PLA2G4C: variants seen among roughly 807,000 people sequenced by gnomAD.
PLA2G4C encodes the protein cytosolic phospholipase A2 gamma.
A neutral mutation model predicts 73.8 loss-of-function variants in PLA2G4C; 64 were observed. The ratio of observed to expected loss-of-function variants is 0.87; its 90% CI spans 0.71 to 1.07. The LOEUF (loss-of-function observed/expected upper bound fraction) is 1.07, where lower values mean the gene tolerates loss of function less well. Ranked by LOEUF, PLA2G4C falls within the 50% of genes least tolerant of loss-of-function variation. The pLI is 0.00. For missense variants in PLA2G4C, 622 were observed against 665.4 expected (o/e 0.93, Z 0.72); for synonymous variants, 254 against 252.1 (o/e 1.01, Z -0.07).
chr19:48,048,436 T>C (rs1967602453), intron 16 of PLA2G4C, 48 bp from the exon 17 acceptor site: 1 of 1,336,892 alleles, frequency 7.5e-7, no homozygotes, highest in African/African-American at 1.5e-5. Context: ...TTGTAGGCAG[T>C]GTTGCACACT....
At chr19:48,048,511 C>G (rs1350834818) in intron 16 of PLA2G4C, 123 bp from the exon 17 acceptor site, 1 of 579,484 alleles carries the variant, frequency 1.7e-6, no homozygotes, top group Non-Finnish European at 2.9e-6. Context: ...AGACATTCAT[C>G]CATTCTTTCA....
intron 10 of PLA2G4C, among the ~76,000 whole-genome samples, chr19:48,079,584 T>C (rs1281085165): frequency 1.3e-5 from 2 of 152,182 alleles, no homozygotes; most frequent in East Asian, 3.8e-4. Flanking sequence ...ATAAAAATTC[T>C]AGAAGATAAC....
chr19:48,092,205 A>G (rs1303510878), intron 7 of PLA2G4C, among the ~76,000 whole-genome samples: 1 of 152,066 alleles, frequency 6.6e-6, no homozygotes, highest in Non-Finnish European at 1.5e-5. Context: ...ATGCACCACC[A>G]TGCCCGGCTA....
chr19:48,099,639 C>A, intron 5 of PLA2G4C, 32 bp downstream of exon 5: 1 of 1,566,838 alleles, frequency 6.4e-7, no homozygotes, highest in Non-Finnish European at 8.7e-7. Flanking sequence ...GCTCCTACCC[C>A]CACCCCAGGT....
chr19:48,078,060 G>A (rs568451682), intron 10 of PLA2G4C, among the ~76,000 whole-genome samples: 13 of 152,238 alleles, frequency 8.5e-5, no homozygotes, highest in Middle Eastern at 3.4e-3. Context: ...TACTAGGAAT[G>A]CAGGGATGGC....
chr19:48,053,206 C>T, intron 15 of PLA2G4C, 59 bp from the exon 16 acceptor site: 2 of 1,377,200 alleles, frequency 1.5e-6, no homozygotes, highest in Non-Finnish European at 2.0e-6. Flanking sequence ...ATTAATTCTG[C>T]AGATTTTTGT....
rs11564612 is a variant in PLA2G4C at position 48,073,964 on chromosome 19, TTTTAA to T, written c.1006+798_1006+802del. Among the ~76,000 whole-genome samples the T allele has an allele frequency of 2.4e-3, 369 of 152,016 alleles. 1 individual carries two copies. Among genetic ancestry groups the T allele is most frequent in the South Asian group, 5.2e-3 (25 of 4,818 alleles). On this transcript the variant is annotated intron_variant, in intron 12 of 16. Coordinates refer to ENST00000599921, the MANE Select transcript of PLA2G4C (RefSeq NM_003706.3). ...ACACTGGGGATTACATTTCTTTTTCTTTTAATTTAATTTAATTTAATTTAATTTTA... is the reference window on the plus strand; with the variant it reads ...ACACTGGGGATTACATTTCTTTTTCTTTTAATTTAATTTAATTTAATTTTA...
At chr19:48,056,574 T>C (rs2122447137) in intron 14 of PLA2G4C, among the ~76,000 whole-genome samples, 1 of 150,428 alleles carries the variant, frequency 6.6e-6, no homozygotes, top group Middle Eastern at 3.5e-3. Flanking sequence ...GGCTCATGCC[T>C]ATAATCCCAG....
rs1491313107 is a variant in PLA2G4C at position 48,101,126 on chromosome 19, A to ATATTTTTT, written c.258-1267_258-1266insAAAAAATA. ...AGTCTATATATATATATATATATAT[A>ATATTTTTT]TTTTTTTTTTTTTTTTTGAGACAGG... On this transcript the variant is annotated intron_variant, in intron 4 of 16. Coordinates refer to ENST00000599921, the MANE Select transcript of PLA2G4C (RefSeq NM_003706.3). 1.9e-3 allele frequency among the ~76,000 whole-genome samples: 140 copies of ATATTTTTT among 74,112 alleles called. 2 individuals are homozygous for ATATTTTTT. The highest frequency in any genetic ancestry group is 8.2e-3 in the African/African-American group (127 of 15,574). 48.6% of individuals were successfully genotyped at this position (74,112 alleles called of 152,430 possible).
At chr19:48,099,262 C>T (rs912294271) in intron 5 of PLA2G4C, among the ~76,000 whole-genome samples, 4 of 151,996 alleles carry the variant, frequency 2.6e-5, no homozygotes, top group Non-Finnish European at 5.9e-5. Context: ...GAGCAAGACC[C>T]TGTCTCAAAA....
At chr19:48,090,172 A>T in intron 8 of PLA2G4C, 192 bp downstream of exon 8, 1 of 571,876 alleles carries the variant, frequency 1.7e-6, no homozygotes, top group South Asian at 2.3e-5. Context: ...CATTCCTTCC[A>T]AGGGAGTCTG....
intron 13 of PLA2G4C, among the ~76,000 whole-genome samples, chr19:48,064,344 G>A (rs142797316): frequency 0.028 from 4,170 of 150,970 alleles, 196 homozygotes; most frequent in African/African-American, 0.096. Context: ...CAGGAGAATC[G>A]CTTGAACCCG....
chr19:48,068,172 GC>G (rs1367803643), intron 12 of PLA2G4C, among the ~76,000 whole-genome samples: 1 of 152,230 alleles, frequency 6.6e-6, no homozygotes, highest in African/African-American at 2.4e-5. Context: ...CGTGGTGGTG[GC>G]GCATGCCTGT....
At chr19:48,068,053 C>T (rs1445697345) in intron 12 of PLA2G4C, 167 bp from the exon 13 acceptor site, 28 of 612,952 alleles carry the variant, frequency 4.6e-5, no homozygotes, top group Non-Finnish European at 4.1e-5. Flanking sequence ...CCAGTCATCC[C>T]AGCACTTTGG....
intron 10 of PLA2G4C, among the ~76,000 whole-genome samples, chr19:48,083,392 C>CTTTTTTTT: frequency 1.9e-5 from 2 of 105,824 alleles, no homozygotes; most frequent in Non-Finnish European, 3.8e-5. Flanking sequence ...ATTTTCTTTT[C>CTTTTTTTT]TTTTTTTTTT....
At chr19:48,101,768 G>A (rs183056404) in intron 4 of PLA2G4C, among the ~76,000 whole-genome samples, 170 of 148,654 alleles carry the variant, frequency 1.1e-3, no homozygotes, top group African/African-American at 3.9e-3. Context: ...TCTGCCTCCC[G>A]GATTCAAGTG....
At chr19:48,078,642 A>C (rs543891041) in intron 10 of PLA2G4C, among the ~76,000 whole-genome samples, 3 of 152,292 alleles carry the variant, frequency 2.0e-5, no homozygotes, top group Admixed American at 1.3e-4. Context: ...AAAATAAAAT[A>C]CTCAGGAATA....
intron 4 of PLA2G4C, chr19:48,100,084 G>T (rs930778502): frequency 2.2e-6 from 1 of 459,410 alleles, no homozygotes; most frequent in African/African-American, 2.0e-5. Flanking sequence ...TCACAGGCAG[G>T]AAAATGAGAG....
chr19:48,105,105 G>C (rs10415296), intron 3 of PLA2G4C, among the ~76,000 whole-genome samples: 21,383 of 116,982 alleles, frequency 0.18, 3,614 homozygotes, highest in African/African-American at 0.45. Context: ...AAAAAAAAAA[G>C]AAAGAAAAGA....
Sources: allele counts gnomAD v4.1 joint callset (sites outside exome capture counted in the v4.1 genomes callset), GRCh38; gene constraint gnomAD v4.1.1; transcripts MANE v1.5; gene names NCBI Gene and HGNC (gene_info 2026-07-23, HGNC 2026-07-21).